SLC2A14: variants seen among roughly 807,000 people sequenced by gnomAD.
SLC2A14 encodes the protein solute carrier family 2, facilitated glucose transporter member 14.
SLC2A14 carries 13 observed loss-of-function variants against 43.0 expected under a neutral mutation model. That is an observed-to-expected ratio of 0.30 (90% CI 0.20 to 0.48). The LOEUF (loss-of-function observed/expected upper bound fraction) is 0.48, where lower values mean the gene tolerates loss of function less well. Ranked by LOEUF, SLC2A14 falls within the 20% of genes least tolerant of loss-of-function variation. SLC2A14 has a pLI of 0.99. For synonymous variants in SLC2A14, 190 were observed against 233.8 expected (o/e 0.81, Z 1.71); for missense variants, 428 against 620.4 (o/e 0.69, Z 3.29).
chr12:7,824,840 T>A (rs1175396604), intron 7 of SLC2A14, among the ~76,000 whole-genome samples: 1 of 151,824 alleles, frequency 6.6e-6, no homozygotes, highest in East Asian at 1.9e-4. Flanking sequence ...TTTTAGATGG[T>A]GCATCCACCA....
chr12:7,838,803 C>A (rs1415910374), intron 2 of SLC2A14, among the ~76,000 whole-genome samples: 1 of 152,194 alleles, frequency 6.6e-6, no homozygotes, highest in Non-Finnish European at 1.5e-5. Flanking sequence ...GAAGCCCTAA[C>A]CCCTAGTAAC....
upstream of SLC2A14, chr12:7,873,359 G>C: frequency 2.0e-6 from 2 of 985,364 alleles, no homozygotes; most frequent in Non-Finnish European, 2.4e-6. Context: ...GAGTTATTTC[G>C]GGCCGCGCAC....
rs1229877172 is a variant in SLC2A14, at chr12:7,813,855, G to A, written c.*461C>T. The A allele has an allele frequency of 6.2e-6, 1 of 161,080 alleles. No individual in the cohort carries two copies. The allele number at this position is 161,080 out of a possible 1,614,324, so 10.0% of individuals were successfully genotyped here. On this transcript the variant is annotated 3_prime_UTR_variant, in exon 11 of 11. Transcript: ENST00000431042. ...AGAGGATAAGATAAATAAAACTCAA[G>A]TTAATTTGCCGCGTAGAGCTGTATG...
intron 7 of SLC2A14, among the ~76,000 whole-genome samples, chr12:7,823,193 G>A (rs1278607441): frequency 1.3e-5 from 2 of 151,874 alleles, no homozygotes; most frequent in African/African-American, 2.4e-5. Flanking sequence ...GACCAGCCTA[G>A]CCAACATGGT....
At chr12:7,825,035 C>T (rs760783532) in intron 7 of SLC2A14, among the ~76,000 whole-genome samples, 3 of 152,042 alleles carry the variant, frequency 2.0e-5, no homozygotes, top group Non-Finnish European at 4.4e-5. Context: ...CCCTCTTACA[C>T]GGAGACTCTG....
At chr12:7,880,378 G>A (rs1945544818) in intron 1 of SLC2A14, among the ~76,000 whole-genome samples, 1 of 150,864 alleles carries the variant, frequency 6.6e-6, no homozygotes. Context: ...TCAAAGCTGA[G>A]GCAGGAGAAT....
chr12:7,891,149 G>A (rs772509273), upstream of SLC2A14: 1 of 1,529,368 alleles, frequency 6.5e-7, no homozygotes, highest in South Asian at 1.2e-5. Context: ...GTCAGGTTGT[G>A]TGGGAGCAAA....
At chr12:7,863,314 G>T (rs1400877143) in intron 2 of SLC2A14, 2 of 450,034 alleles carry the variant, frequency 4.4e-6, no homozygotes, top group Admixed American at 4.8e-5. Flanking sequence ...GAACGCATCT[G>T]AACATCAGAA....
upstream of SLC2A14, among the ~76,000 whole-genome samples, chr12:7,875,912 G>A (rs1173386856): frequency 6.6e-6 from 1 of 152,036 alleles, no homozygotes; most frequent in East Asian, 1.9e-4. Flanking sequence ...GGAGGTGGAG[G>A]TTGCAGTGAG....
Position 7,829,790 on chromosome 12 carries a change from T to C in SLC2A14, c.489A>G (p.Ile163Met). The C allele has an allele frequency of 6.2e-7, 1 of 1,614,148 alleles. No homozygotes were observed. Among genetic ancestry groups the C allele is most frequent in the Non-Finnish European group, 8.5e-7 (1 of 1,180,024 alleles). The part of the protein sequence containing the change: ...GAFGTLNQLG[I>M]VIGILVAQIF... ...CCTGGGCCACCAGAATTCCAATAACTATGCCCAGCTGGTTGAGAGTGCCAA... is the reference window on the plus strand; with the variant it reads ...CCTGGGCCACCAGAATTCCAATAACCATGCCCAGCTGGTTGAGAGTGCCAA... Residue 163 changes from isoleucine (I) to methionine (M), a missense_variant, in exon 5 of 11, where the codon ATA becomes ATG. Coordinates refer to ENST00000431042, the MANE Select transcript of SLC2A14 (RefSeq NM_001286234.2).
chr12:7,857,196 G>A (rs1944299518), intron 2 of SLC2A14, among the ~76,000 whole-genome samples: 1 of 152,102 alleles, frequency 6.6e-6, no homozygotes, highest in Non-Finnish European at 1.5e-5. Flanking sequence ...GTTGCAGTGA[G>A]CCGAAATCTT....
chr12:7,868,473 C>T (rs1240103999), intron 2 of SLC2A14, among the ~76,000 whole-genome samples: 1 of 152,134 alleles, frequency 6.6e-6, no homozygotes, highest in African/African-American at 2.4e-5. Context: ...TAATCAAAAT[C>T]CTCCCCGTCC....
chr12:7,815,618 C>T (rs12227645), intron 10 of SLC2A14, among the ~76,000 whole-genome samples: 78,693 of 151,864 alleles, frequency 0.52, 20,849 homozygotes, highest in Non-Finnish European at 0.59. Flanking sequence ...CTCTTGTTGC[C>T]CAGGCTGGAG....
At chr12:7,869,673 G>C (rs1945121931) in intron 2 of SLC2A14, among the ~76,000 whole-genome samples, 190 bp downstream of exon 2, 1 of 152,076 alleles carries the variant, frequency 6.6e-6, no homozygotes, top group African/African-American at 2.4e-5. Flanking sequence ...ATGGCAAAGA[G>C]TAATTGCTTA....
rs924165058 is a variant in SLC2A14, at chr12:7,889,204, C to T, written c.132+1792G>A. ...AATAAAAGAAAGGCTACTCCATAGA[C>T]AGAGTAGCCCAGAGGGCTGCTGGTT... On this transcript the variant is annotated intron_variant, in intron 1 of 9. Coordinates refer to the SLC2A14 transcript ENST00000539924. Among the ~76,000 whole-genome samples, 9 of 147,990 alleles carry T rather than the reference C, an allele frequency of 6.1e-5. No homozygotes were observed. The South Asian group carries it at 6.4e-4, about 10-fold the overall frequency.
At position 7,837,638 on chromosome 12, in the gene SLC2A14, C is replaced by CAA. The variant is rs557069415; in HGVS notation, c.19-4826_19-4825dup. On this transcript the variant is annotated intron_variant, in intron 2 of 10. Transcript: ENST00000431042. ...GGGCAACAAGAGTGAAACTTCGTCT[C>CAA]AAAAAAAAAAAAAAAAAAGATGGTT... Among the ~76,000 whole-genome samples, 212 of 52,896 alleles carry CAA rather than the reference C, an allele frequency of 4.0e-3. 13 individuals are homozygous for CAA. The highest frequency in any genetic ancestry group is 0.017 in the African/African-American group (200 of 11,432). The allele number at this position is 52,896 out of a possible 152,430, so 34.7% of individuals were successfully genotyped here.
rs554165620 is a variant in SLC2A14, at chr12:7,879,011, T to A, written c.132+11985A>T. ...AAAAAAAAAAAAAAAAAAAACAATT[T>A]GTCTTTCTTTTTTTTCCTCAACCTT... On this transcript the variant is annotated intron_variant, in intron 1 of 9. Coordinates refer to the SLC2A14 transcript ENST00000539924. Among the ~76,000 whole-genome samples the A allele has an allele frequency of 1.6e-4, 23 of 147,322 alleles. No homozygotes were observed. The South Asian group carries it at 5.0e-3, about 32-fold the overall frequency.
chr12:7,853,768 T>C (rs1867129822), intron 2 of SLC2A14, among the ~76,000 whole-genome samples: 1 of 152,162 alleles, frequency 6.6e-6, no homozygotes, highest in South Asian at 2.1e-4. Context: ...GATGATGACA[T>C]GTCTAGAAAC....
intron 1 of SLC2A14, chr12:7,871,197 C>T: frequency 7.9e-7 from 1 of 1,259,672 alleles, no homozygotes; most frequent in Non-Finnish European, 1.0e-6. Flanking sequence ...ACGAGGAATC[C>T]TCAGGTTTCA....
Sources: allele counts gnomAD v4.1 joint callset (sites outside exome capture counted in the v4.1 genomes callset), GRCh38; gene constraint gnomAD v4.1.1; transcripts MANE v1.5; gene names NCBI Gene and HGNC (gene_info 2026-07-23, HGNC 2026-07-21).